Variants in ZFYVE9 observed in about 807,000 individuals in gnomAD.
The protein encoded by ZFYVE9 is zinc finger FYVE domain-containing protein 9.
A neutral mutation model predicts 126.7 loss-of-function variants in ZFYVE9; 43 were observed. The ratio of observed to expected loss-of-function variants is 0.34; its 90% CI spans 0.27 to 0.44. The LOEUF is 0.44. Ranked by LOEUF, ZFYVE9 falls within the 20% of genes least tolerant of loss-of-function variation. The pLI, the probability that ZFYVE9 is intolerant of heterozygous loss-of-function variation, is 1.00. For synonymous variants in ZFYVE9, 521 were observed against 597.4 expected (o/e 0.87, Z 1.87); for missense variants, 1,476 against 1,697.0 (o/e 0.87, Z 2.29).
In ZFYVE9 at chr1:52,334,721, C is replaced by T; in HGVS notation, c.3623C>T (p.Ala1208Val). The change falls in exon 15 of 19, where the codon GCT becomes GTT. Residue 1208 changes from alanine (A) to valine (V), a missense_variant. Ala to Val is a moderately conservative substitution (Grantham distance 64, BLOSUM62 0). Coordinates refer to ENST00000287727, the MANE Select transcript of ZFYVE9 (RefSeq NM_004799.4). ...GCCAGTTTCTTTGTGTTCAGTGGCG[C>T]TCTGAAATCCTCTTCTGGATACCTT... The part of the protein sequence containing the change: ...TGASFFVFSG[A>V]LKSSSGYLAK... 6.2e-7 allele frequency: 1 copy of T among 1,613,914 alleles called. No individual in the cohort carries two copies. Among genetic ancestry groups the T allele is most frequent in the Non-Finnish European group, 8.5e-7 (1 of 1,179,904 alleles).
intron 11 of ZFYVE9, among the ~76,000 whole-genome samples, chr1:52,294,213 A>C (rs1373455105): frequency 6.6e-6 from 1 of 152,226 alleles, no homozygotes; most frequent in East Asian, 1.9e-4. Context: ...TCTAATTAAA[A>C]GTGCCCTGTG....
At chr1:52,281,920 G>A (rs1054914873) in intron 10 of ZFYVE9, 104 bp downstream of exon 10, 7 of 1,345,764 alleles carry the variant, frequency 5.2e-6, no homozygotes, top group South Asian at 1.3e-5. Context: ...AGCATGGCAG[G>A]GGACTTTGAT....
At chr1:52,158,671 C>T (rs1394006103) in intron 1 of ZFYVE9, among the ~76,000 whole-genome samples, 3 of 152,158 alleles carry the variant, frequency 2.0e-5, no homozygotes, top group Non-Finnish European at 2.9e-5. Context: ...TGCCTCCCTT[C>T]GTAGGTGATA....
At chr1:52,178,137 G>A (rs1644657640) in intron 1 of ZFYVE9, among the ~76,000 whole-genome samples, 1 of 151,546 alleles carries the variant, frequency 6.6e-6, no homozygotes, top group African/African-American at 2.4e-5. Context: ...AAATTAGCTG[G>A]GTGTGGTGGC....
intron 1 of ZFYVE9, among the ~76,000 whole-genome samples, chr1:52,195,561 A>G (rs1004880963): frequency 1.3e-5 from 2 of 152,184 alleles, no homozygotes; most frequent in African/African-American, 4.8e-5. Context: ...ACTATTTAGG[A>G]TTGTAAAGAA....
chr1:52,320,331 A>G (rs932450934), intron 13 of ZFYVE9, among the ~76,000 whole-genome samples: 7 of 152,068 alleles, frequency 4.6e-5, no homozygotes, highest in Admixed American at 1.3e-4. Context: ...CGGCCTCCCA[A>G]TGTGCTGGGA....
chr1:52,310,842 T>C, intron 13 of ZFYVE9, among the ~76,000 whole-genome samples: 1 of 152,192 alleles, frequency 6.6e-6, no homozygotes, highest in Non-Finnish European at 1.5e-5. Context: ...GGGCATTTCC[T>C]AATATGTGAC....
At chr1:52,235,909 G>T (rs1180643367) in intron 3 of ZFYVE9, among the ~76,000 whole-genome samples, 1 of 152,028 alleles carries the variant, frequency 6.6e-6, no homozygotes, top group Non-Finnish European at 1.5e-5. Context: ...TGATGTCTTT[G>T]ATAAGTTCTT....
intron 1 of ZFYVE9, among the ~76,000 whole-genome samples, chr1:52,172,242 A>G (rs1489640477): frequency 1.3e-5 from 2 of 152,172 alleles, no homozygotes; most frequent in African/African-American, 2.4e-5. Context: ...TCCCAGCACC[A>G]TTTATTAAAT....
At chr1:52,248,182 A>G (rs1488827531) in intron 4 of ZFYVE9, among the ~76,000 whole-genome samples, 3 of 152,204 alleles carry the variant, frequency 2.0e-5, no homozygotes, top group Admixed American at 6.5e-5. Flanking sequence ...CCTCAAAAGC[A>G]GGAAAACCAA....
chr1:52,261,013 A>G (rs1645574456), intron 4 of ZFYVE9, among the ~76,000 whole-genome samples: 3 of 151,814 alleles, frequency 2.0e-5, no homozygotes, highest in South Asian at 4.1e-4. Context: ...TGTACATACT[A>G]TTTCCTCTAC....
At chr1:52,319,572 C>T (rs1460220675) in intron 13 of ZFYVE9, among the ~76,000 whole-genome samples, 4 of 150,026 alleles carry the variant, frequency 2.7e-5, no homozygotes, top group African/African-American at 9.8e-5. Context: ...TACAGTGAGC[C>T]GAGATCGCAC....
At chr1:52,319,871 G>A (rs1646222066) in intron 13 of ZFYVE9, among the ~76,000 whole-genome samples, 2 of 150,666 alleles carry the variant, frequency 1.3e-5, no homozygotes, top group South Asian at 4.2e-4. Context: ...AAATAAGCTG[G>A]GCGTGGTAAT....
At chr1:52,277,140 A>C (rs967164739) in intron 8 of ZFYVE9, among the ~76,000 whole-genome samples, 2 of 152,230 alleles carry the variant, frequency 1.3e-5, no homozygotes, top group Non-Finnish European at 2.9e-5. Flanking sequence ...TTAGATTAAT[A>C]AGGAACTAAA....
At chr1:52,165,859 A>G (rs936675841) in intron 1 of ZFYVE9, among the ~76,000 whole-genome samples, 1 of 152,200 alleles carries the variant, frequency 6.6e-6, no homozygotes. Context: ...ATAACAGCAA[A>G]TTTGTCTTCT....
chr1:52,337,761 C>G lies in ZFYVE9; in HGVS notation c.3671-11C>G. On this transcript the variant is annotated splice_polypyrimidine_tract_variant and intron_variant, in intron 15 of 18. Coordinates refer to ENST00000287727, the MANE Select transcript of ZFYVE9 (RefSeq NM_004799.4). The stretch of plus-strand genomic sequence containing the variant: ...CATTTGCCTCTCCTTTGGCTTTGTA[C>G]TGATTCTTAGATGGTGTTATGGTCC... 1 of 1,613,452 alleles carries G rather than the reference C, an allele frequency of 6.2e-7. No homozygotes were observed. Among genetic ancestry groups the G allele is most frequent in the Non-Finnish European group, 8.5e-7 (1 of 1,179,494 alleles).
chr1:52,169,134 C>T (rs140331097), intron 1 of ZFYVE9, among the ~76,000 whole-genome samples: 2 of 152,306 alleles, frequency 1.3e-5, no homozygotes, highest in Non-Finnish European at 2.9e-5. Context: ...AGTGCAGTGG[C>T]TCATGCCTAT....
chr1:52,215,038 C>T (rs979025866), intron 1 of ZFYVE9, among the ~76,000 whole-genome samples: 1 of 152,156 alleles, frequency 6.6e-6, no homozygotes, highest in Non-Finnish European at 1.5e-5. Context: ...TTGAGTACCC[C>T]ATGTCTCAGT....
chr1:52,237,783 G>A lies in ZFYVE9; in HGVS notation c.366G>A (p.Trp122Ter). ...EDQLIKRNYS[W>*]DDQCSAVEVG... The stretch of plus-strand genomic sequence containing the variant: ...AGTTAATTAAGAGAAACTATAGTTG[G>A]GATGATCAATGCAGTGCTGTTGAAG... Residue 122 changes from tryptophan to a stop codon, truncating the protein, a stop_gained, in exon 4 of 19, where the codon TGG (tryptophan) becomes TGA (stop). Transcript: ENST00000287727. LOFTEE classifies it high-confidence loss of function. The A allele has an allele frequency of 6.2e-7, 1 of 1,614,106 alleles. No homozygotes were observed. The highest frequency in any genetic ancestry group is 8.5e-7 in the Non-Finnish European group (1 of 1,179,984).
Sources: gnomAD v4.1 joint callset for allele counts (sites outside exome capture counted in the v4.1 genomes callset) on GRCh38, gnomAD v4.1.1 for gene constraint, MANE v1.5 for transcripts, NCBI Gene and HGNC (gene_info 2026-07-23, HGNC 2026-07-21) for gene names.